The following PIP4K2A variants were observed in gnomAD, a reference collection of about 807,000 sequenced individuals.
The protein encoded by PIP4K2A is phosphatidylinositol-5-phosphate 4-kinase type 2 alpha.
A neutral mutation model predicts 42.9 loss-of-function variants in PIP4K2A; 14 were observed. The observed-to-expected ratio is 0.33, with a 90% CI of 0.22 to 0.51. PIP4K2A has a LOEUF of 0.51. Ranked by LOEUF, PIP4K2A falls within the 20% of genes least tolerant of loss-of-function variation. The pLI, the probability that PIP4K2A is intolerant of heterozygous loss-of-function variation, is 0.97. For missense variants in PIP4K2A, 434 were observed against 519.8 expected (o/e 0.83, Z 1.61); for synonymous variants, 192 against 192.2 (o/e 1.00, Z 0.01).
chr10:22,614,054 G>A lies in PIP4K2A; in HGVS notation c.145-4337C>T, dbSNP rs1029828118. Among the ~76,000 whole-genome samples the A allele has an allele frequency of 3.3e-4, 50 of 152,330 alleles. No individual in the cohort carries two copies. In the East Asian group the frequency reaches 7.0e-3, roughly 21 times the overall value. ...GCACAGAGCAGGAGCCCGTGGTCAC[G>A]GGTGTGGGTGACGGGCTTCTTGGAA... On this transcript the variant is annotated intron_variant, in intron 1 of 9. Coordinates refer to ENST00000376573, the MANE Select transcript of PIP4K2A (RefSeq NM_005028.5).
In PIP4K2A at chr10:22,593,126, C is replaced by T. The variant is rs185030188; in HGVS notation, c.340-1345G>A. ...TCCATTGCAGCAGTGCAGGGGTTTA[C>T]GCAGGCCCTACCTATGCCTGAAGAG... On this transcript the variant is annotated intron_variant, in intron 3 of 9. Coordinates refer to ENST00000376573, the MANE Select transcript of PIP4K2A (RefSeq NM_005028.5). 5.9e-5 allele frequency among the ~76,000 whole-genome samples: 9 copies of T among 152,314 alleles called. No homozygotes were observed. The South Asian group carries it at 6.2e-4, about 11-fold the overall frequency.
intron 1 of PIP4K2A, among the ~76,000 whole-genome samples, chr10:22,614,742 A>G (rs896437491): frequency 6.6e-6 from 1 of 152,252 alleles, no homozygotes; most frequent in African/African-American, 2.4e-5. Flanking sequence ...GATTACTTGC[A>G]GAGCTGCTTA....
rs144403431 is a variant in PIP4K2A at position 22,649,940 on chromosome 10, T to C, written c.145-40223A>G. Among the ~76,000 whole-genome samples, 427 of 152,312 alleles carry C rather than the reference T, an allele frequency of 2.8e-3. 1 individual carries two copies. The highest frequency in any genetic ancestry group is 5.0e-3 in the Non-Finnish European group (337 of 68,024). On this transcript the variant is annotated intron_variant, in intron 1 of 9. Coordinates refer to ENST00000376573, the MANE Select transcript of PIP4K2A (RefSeq NM_005028.5). ...CCCATCAGGTACAAAAGTTCCCCTG[T>C]ATCGCTGCAAGAGAATGGCAGGAAC...
At chr10:22,648,099 G>C (rs952027004) in intron 1 of PIP4K2A, among the ~76,000 whole-genome samples, 1 of 152,094 alleles carries the variant, frequency 6.6e-6, no homozygotes, top group Non-Finnish European at 1.5e-5. Context: ...TTCAAGCCCT[G>C]ACTTATCTTC....
chr10:22,674,718 G>A (rs1352011225), intron 1 of PIP4K2A, among the ~76,000 whole-genome samples: 1 of 151,948 alleles, frequency 6.6e-6, no homozygotes, highest in Non-Finnish European at 1.5e-5. Context: ...AAACGTGGGA[G>A]GATGCTTGAG....
intron 4 of PIP4K2A, among the ~76,000 whole-genome samples, chr10:22,579,416 A>C (rs559270981): frequency 6.6e-6 from 1 of 152,228 alleles, no homozygotes; most frequent in African/African-American, 2.4e-5. Flanking sequence ...TCAACTTCCC[A>C]AAGTTTGTAT....
intron 5 of PIP4K2A, among the ~76,000 whole-genome samples, chr10:22,570,535 C>T (rs1442987585): frequency 2.0e-5 from 3 of 152,148 alleles, no homozygotes; most frequent in African/African-American, 7.2e-5. Context: ...TAAGACAGGA[C>T]AGGACAAGGG....
chr10:22,697,840 G>A (rs987576705), intron 1 of PIP4K2A, among the ~76,000 whole-genome samples: 13 of 152,182 alleles, frequency 8.5e-5, no homozygotes, highest in African/African-American at 1.4e-4. Flanking sequence ...AACGGTTCAT[G>A]TGAATCGTCC....
chr10:22,661,410 G>A (rs983567587), intron 1 of PIP4K2A, among the ~76,000 whole-genome samples: 8 of 146,928 alleles, frequency 5.4e-5, no homozygotes, highest in Admixed American at 4.8e-4. Flanking sequence ...GGGCTGGAGT[G>A]CAGTAGCACA....
chr10:22,605,733 G>C (rs1486713355), intron 3 of PIP4K2A, among the ~76,000 whole-genome samples: 1 of 151,616 alleles, frequency 6.6e-6, no homozygotes, highest in Admixed American at 6.6e-5. Flanking sequence ...ACAAAACCCA[G>C]CCAAACAAAA....
At chr10:22,564,173 TAAG>T (rs1836779569) in intron 6 of PIP4K2A, among the ~76,000 whole-genome samples, 1 of 151,994 alleles carries the variant, frequency 6.6e-6, no homozygotes, top group African/African-American at 2.4e-5. Flanking sequence ...GGAAGATAGG[TAAG>T]TGAATGTCCT....
chr10:22,607,732 C>T (rs893969246), intron 3 of PIP4K2A, 195 bp downstream of exon 3: 22 of 388,614 alleles, frequency 5.7e-5, no homozygotes, highest in African/African-American at 3.3e-4. Flanking sequence ...ACTTTTATAC[C>T]GGTATCATAT....
intron 1 of PIP4K2A, among the ~76,000 whole-genome samples, chr10:22,666,409 CT>C (rs1373540576): frequency 1.3e-5 from 2 of 152,194 alleles, no homozygotes; most frequent in African/African-American, 4.8e-5. Context: ...TTTCAATGCT[CT>C]TTTCCCAATC....
intron 3 of PIP4K2A, among the ~76,000 whole-genome samples, chr10:22,601,150 A>AGC (rs1837762193): frequency 7.0e-6 from 1 of 142,162 alleles, no homozygotes; most frequent in Admixed American, 7.2e-5. Flanking sequence ...AAAAAAAAAA[A>AGC]AAAAAAAAAA....
intron 6 of PIP4K2A, among the ~76,000 whole-genome samples, chr10:22,552,943 G>A (rs1225376245): frequency 1.3e-5 from 2 of 152,116 alleles, no homozygotes. Context: ...CCCCCGACAA[G>A]GCAGTAAATT....
intron 1 of PIP4K2A, among the ~76,000 whole-genome samples, chr10:22,705,426 TAAAAAAAAAAAAAA>T (rs150254345): frequency 3.1e-3 from 90 of 29,274 alleles, no homozygotes; most frequent in Admixed American, 6.3e-3. Context: ...GTACCCCAGT[TAAAAAAAAAAAAAA>T]AAAAAAAAAA....
chr10:22,614,788 T>C (rs77362327), intron 1 of PIP4K2A, among the ~76,000 whole-genome samples: 1 of 152,208 alleles, frequency 6.6e-6, no homozygotes, highest in Non-Finnish European at 1.5e-5. Flanking sequence ...TGAAAAACTC[T>C]CTCCTTTAGC....
At chr10:22,554,746 C>A (rs1411391093) in intron 6 of PIP4K2A, among the ~76,000 whole-genome samples, 1 of 152,234 alleles carries the variant, frequency 6.6e-6, no homozygotes, top group Admixed American at 6.5e-5. Flanking sequence ...GATTGCTGTA[C>A]GACCCTCTGT....
chr10:22,685,252 G>C (rs1001053920), intron 1 of PIP4K2A, among the ~76,000 whole-genome samples: 1 of 152,104 alleles, frequency 6.6e-6, no homozygotes, highest in Admixed American at 6.6e-5. Flanking sequence ...CTCTTCAACT[G>C]ATTTTATTAA....
Sources: gnomAD v4.1 joint callset for allele counts (sites outside exome capture counted in the v4.1 genomes callset) on GRCh38, gnomAD v4.1.1 for gene constraint, MANE v1.5 for transcripts, NCBI Gene and HGNC (gene_info 2026-07-23, HGNC 2026-07-21) for gene names.